USP13: variants seen among roughly 807,000 people sequenced by gnomAD.
The protein encoded by USP13 is ubiquitin specific peptidase 13, also known as ubiquitin carboxyl-terminal hydrolase 13.
USP13 carries 68 observed loss-of-function variants against 107.8 expected under a neutral mutation model. The ratio of observed to expected loss-of-function variants is 0.63; its 90% CI spans 0.52 to 0.77. The LOEUF (loss-of-function observed/expected upper bound fraction) is 0.77, where lower values mean the gene tolerates loss of function less well. Among genes scored for constraint, USP13 ranks in the 30% least tolerant of loss-of-function variants. The probability of loss-of-function intolerance (pLI) is 0.00; values close to 1 mark genes in which losing one functional copy is unlikely to be tolerated. For missense variants in USP13, 945 were observed against 1,093.3 expected, an observed-to-expected ratio of 0.86 and a Z score of 1.91; for synonymous variants, 377 against 389.5, an observed-to-expected ratio of 0.97 and a Z score of 0.38.
At chr3:179,760,111 C>T (rs1343914378) in intron 16 of USP13, among the ~76,000 whole-genome samples, 3 of 152,006 alleles carry the variant, frequency 2.0e-5, no homozygotes, top group Non-Finnish European at 4.4e-5. Context: ...TTTTATATTC[C>T]TGTTTTTTCT....
chr3:179,755,168 C>T (rs1028692411), intron 15 of USP13, among the ~76,000 whole-genome samples: 6 of 152,078 alleles, frequency 3.9e-5, no homozygotes, highest in Admixed American at 1.3e-4. Flanking sequence ...AATTGAACAG[C>T]GTGAGTTGGT....
At chr3:179,685,720 T>C (rs1048125647) in intron 2 of USP13, among the ~76,000 whole-genome samples, 34 of 152,182 alleles carry the variant, frequency 2.2e-4, no homozygotes, top group African/African-American at 7.7e-4. Context: ...TGTGGAATGC[T>C]GGTAAACTTG....
chr3:179,761,066 C>G, intron 16 of USP13, 46 bp from the exon 17 acceptor site: 1 of 1,610,458 alleles, frequency 6.2e-7, no homozygotes, highest in Non-Finnish European at 8.5e-7. Flanking sequence ...AGACAAGAAG[C>G]GACAGTTTCC....
chr3:179,658,409 C>T (rs1470673923), intron 1 of USP13, among the ~76,000 whole-genome samples: 1 of 151,824 alleles, frequency 6.6e-6, no homozygotes, highest in African/African-American at 2.4e-5. Flanking sequence ...AGTCTGTCCT[C>T]ATAGTTGGCT....
chr3:179,766,936 A>G (rs954824649), intron 19 of USP13, among the ~76,000 whole-genome samples: 4 of 151,622 alleles, frequency 2.6e-5, no homozygotes, highest in Non-Finnish European at 4.4e-5. Context: ...TCACTTCTAT[A>G]CTCCCTATAC....
At chr3:179,729,505 T>C (rs1713717260) in intron 8 of USP13, among the ~76,000 whole-genome samples, 1 of 152,318 alleles carries the variant, frequency 6.6e-6, no homozygotes, top group South Asian at 2.1e-4. Flanking sequence ...AGAGTCTTGC[T>C]CTGTCATCCA....
At chr3:179,745,871 T>C (rs116581660) in intron 13 of USP13, among the ~76,000 whole-genome samples, 2,464 of 152,202 alleles carry the variant, frequency 0.016, 31 homozygotes, top group Non-Finnish European at 0.025. Context: ...GTTTTCACAT[T>C]GTGAGGCTGG....
In USP13 at chr3:179,747,438, G is replaced by C. The variant is rs547056547; in HGVS notation, c.1709+2221G>C. On this transcript the variant is annotated intron_variant, in intron 13 of 20. Coordinates refer to ENST00000263966, the MANE Select transcript of USP13 (RefSeq NM_003940.3). ...TCCCCAGCATCAGGTGTGAGCTGCC[G>C]ACTGGGGTATTGTTCACTTGCCTGG... Among the ~76,000 whole-genome samples the C allele has an allele frequency of 5.9e-5, 9 of 152,286 alleles. No homozygotes were observed. The South Asian group carries it at 1.9e-3, about 32-fold the overall frequency.
chr3:179,698,970 A>G (rs1712411944), intron 3 of USP13, among the ~76,000 whole-genome samples: 1 of 151,668 alleles, frequency 6.6e-6, no homozygotes, highest in Non-Finnish European at 1.5e-5. Flanking sequence ...CCTGGGTTTA[A>G]GCAATTCCCT....
chr3:179,759,079 T>C (rs1714914428), intron 16 of USP13, among the ~76,000 whole-genome samples: 1 of 152,046 alleles, frequency 6.6e-6, no homozygotes, highest in Non-Finnish European at 1.5e-5. Context: ...CCTCCCGGGT[T>C]CAAGCAATTC....
chr3:179,681,913 AT>A lies in USP13; in HGVS notation c.209del (p.Leu70TrpfsTer23). 1 of 1,613,954 alleles carries A rather than the reference AT, an allele frequency of 6.2e-7. No homozygotes were observed. The highest frequency in any genetic ancestry group is 8.5e-7 in the Non-Finnish European group (1 of 1,179,950). ...GTGGACTCTATGTATGCATGAATAC[AT>A]TTTTGGCCTTTGGAAGGGAACATGT... ...EGGLYVCMNTFLAFGREHVER... is the reference protein window; with the variant it reads ...EGGLYVCMNTXLAFGREHVER... On this transcript the variant is annotated frameshift_variant, in exon 2 of 21. Transcript: ENST00000263966. LOFTEE classifies it high-confidence loss of function.
In USP13 at chr3:179,730,268, C is replaced by A; in HGVS notation, c.1160+8C>A. The stretch of plus-strand genomic sequence containing the variant: ...AGATTTCAACACACAGATGTAAGTG[C>A]CAGATTTGTATTTTTTTTTTTCTAG... On this transcript the variant is annotated splice_region_variant and intron_variant, in intron 9 of 20. Transcript: ENST00000263966. The A allele has an allele frequency of 6.6e-7, 1 of 1,526,364 alleles. No individual in the cohort carries two copies. The highest frequency in any genetic ancestry group is 8.7e-7 in the Non-Finnish European group (1 of 1,147,160). 94.6% of individuals were successfully genotyped at this position (1,526,364 alleles called of 1,614,324 possible). A position where few individuals can be genotyped will look rare whatever the true frequency, so the allele number is the denominator to read the frequency against.
At chr3:179,669,198 C>T (rs1373263985) in intron 1 of USP13, among the ~76,000 whole-genome samples, 8 of 152,190 alleles carry the variant, frequency 5.3e-5, no homozygotes, top group African/African-American at 1.7e-4. Context: ...CGGTGGCTCA[C>T]GCCTCTAATC....
chr3:179,701,365 T>C (rs1712517397), intron 4 of USP13, among the ~76,000 whole-genome samples: 2 of 152,214 alleles, frequency 1.3e-5, no homozygotes, highest in Non-Finnish European at 2.9e-5. Flanking sequence ...CAAGTGCTGT[T>C]AGGGCTTTGT....
intron 19 of USP13, among the ~76,000 whole-genome samples, chr3:179,775,723 C>G (rs1036398807): frequency 1.3e-5 from 2 of 152,196 alleles, no homozygotes; most frequent in African/African-American, 2.4e-5. Flanking sequence ...GCACTGCTGG[C>G]GGACCTGGCA....
At chr3:179,699,845 T>C (rs1712456521) in intron 3 of USP13, among the ~76,000 whole-genome samples, 1 of 151,874 alleles carries the variant, frequency 6.6e-6, no homozygotes, top group South Asian at 2.1e-4. Context: ...TACACAAACA[T>C]ATACTAGGTT....
At chr3:179,689,338 C>T (rs1399828471) in intron 2 of USP13, among the ~76,000 whole-genome samples, 1 of 152,110 alleles carries the variant, frequency 6.6e-6, no homozygotes, top group Non-Finnish European at 1.5e-5. Flanking sequence ...TTCATTACTG[C>T]TGATGGCTTC....
rs747187359 is a variant in USP13, at chr3:179,752,386, T to C, written c.1798+13T>C. On this transcript the variant is annotated intron_variant, in intron 14 of 20. Transcript: ENST00000263966. ...CCCAAAAAATTTGGTAGGTATCTTT[T>C]GCGTGCTTTTGCTTAAAACATCAAA... 1.7e-5 allele frequency: 27 copies of C among 1,596,762 alleles called. No homozygotes were observed. Among genetic ancestry groups the C allele is most frequent in the Admixed American group, 1.5e-4 (9 of 59,980 alleles).
chr3:179,701,146 G>A lies in USP13; in HGVS notation c.477+17G>A, dbSNP rs888119049. The A allele has an allele frequency of 3.9e-6, 6 of 1,533,656 alleles. No individual in the cohort carries two copies. Among genetic ancestry groups the A allele is most frequent in the African/African-American group, 2.8e-5 (2 of 72,290 alleles). On this transcript the variant is annotated intron_variant, in intron 4 of 20. Coordinates refer to ENST00000263966, the MANE Select transcript of USP13 (RefSeq NM_003940.3). ...CCAGCCCTGGTCAGTGAGTGTGCAC[G>A]GCTGCTAGCTAGATGCGCATGGCTC...
Sources: gnomAD v4.1 joint callset for allele counts (sites outside exome capture counted in the v4.1 genomes callset) on GRCh38, gnomAD v4.1.1 for gene constraint, MANE v1.5 for transcripts, NCBI Gene and HGNC (gene_info 2026-07-23, HGNC 2026-07-21) for gene names.